Variants in LAMB4 observed in about 807,000 individuals in gnomAD.
The protein encoded by LAMB4 is laminin subunit beta 4, also known as laminin subunit beta-4.
Under a neutral mutation model 199.2 loss-of-function variants are expected in LAMB4, and 196 were observed. The observed-to-expected ratio is 0.98, with a 90% CI of 0.88 to 1.11. The LOEUF (loss-of-function observed/expected upper bound fraction) is 1.11. Among genes scored for constraint, LAMB4 ranks in the 50% least tolerant of loss-of-function variants. The probability of loss-of-function intolerance (pLI) is 0.00; values close to 1 mark genes in which losing one functional copy is unlikely to be tolerated. For synonymous variants in LAMB4, 744 were observed against 770.6 expected (o/e 0.97, Z 0.57); for missense variants, 2,080 against 2,171.2 (o/e 0.96, Z 0.83).
intron 32 of LAMB4, among the ~76,000 whole-genome samples, chr7:108,030,322 G>C (rs1301578818): frequency 6.6e-6 from 1 of 152,094 alleles, no homozygotes; most frequent in Non-Finnish European, 1.5e-5. Context: ...TGAGCTGATA[G>C]GTTCTTTCAG....
chr7:108,032,542 A>G (rs1255585130), intron 31 of LAMB4, among the ~76,000 whole-genome samples: 1 of 152,152 alleles, frequency 6.6e-6, no homozygotes, highest in East Asian at 1.9e-4. Context: ...ACCCAGGGCT[A>G]CTTCAAATGA....
chr7:108,048,880 G>C (rs1384503040), intron 27 of LAMB4, among the ~76,000 whole-genome samples: 1 of 151,466 alleles, frequency 6.6e-6, no homozygotes, highest in Non-Finnish European at 1.5e-5. Context: ...TTGTAGAGAC[G>C]GGGTTTCACC....
intron 17 of LAMB4, among the ~76,000 whole-genome samples, chr7:108,070,885 C>T (rs1265339417): frequency 6.6e-6 from 1 of 152,140 alleles, no homozygotes; most frequent in Non-Finnish European, 1.5e-5. Context: ...ATGTCGTTAC[C>T]TCCTTACTAC....
chr7:108,047,035 A>AGGAT (rs2035651083), intron 28 of LAMB4, among the ~76,000 whole-genome samples: 1 of 151,944 alleles, frequency 6.6e-6, no homozygotes, highest in African/African-American at 2.4e-5. Context: ...CCAAAGTGCT[A>AGGAT]GGATTATAGG....
At chr7:108,112,024 C>T (rs1316156648) in intron 3 of LAMB4, 78 bp from the exon 4 acceptor site, 6 of 1,223,522 alleles carry the variant, frequency 4.9e-6, no homozygotes, top group South Asian at 3.1e-5. Flanking sequence ...GCAAGCTGTA[C>T]ATACTATATT....
chr7:108,058,957 G>A (rs535551341), intron 23 of LAMB4, among the ~76,000 whole-genome samples: 96 of 152,124 alleles, frequency 6.3e-4, no homozygotes, highest in Non-Finnish European at 7.8e-4. Flanking sequence ...GATCTGCCAC[G>A]TTTCAATATC....
chr7:108,111,255 T>C (rs2038213268), intron 4 of LAMB4, among the ~76,000 whole-genome samples: 1 of 152,214 alleles, frequency 6.6e-6, no homozygotes, highest in Non-Finnish European at 1.5e-5. Flanking sequence ...ATCTGGATGG[T>C]CAGCGCCAAT....
chr7:108,054,108 G>A (rs1004676830), intron 25 of LAMB4, among the ~76,000 whole-genome samples: 5 of 152,128 alleles, frequency 3.3e-5, no homozygotes, highest in African/African-American at 1.2e-4. Flanking sequence ...CTGCAGCCTT[G>A]AACTCCTGAG....
chr7:108,125,598 C>T (rs1363858477), intron 1 of LAMB4, among the ~76,000 whole-genome samples: 1 of 152,182 alleles, frequency 6.6e-6, no homozygotes, highest in Non-Finnish European at 1.5e-5. Flanking sequence ...CTGCTTCTCT[C>T]CAGTGGAGAA....
chr7:108,063,919 T>G lies in LAMB4; in HGVS notation c.2903A>C (p.Gln968Pro). The change falls in exon 22 of 34, where the codon CAA becomes CCA. Residue 968 changes from glutamine to proline, a missense_variant. Gln to Pro is a moderately conservative substitution (Grantham distance 76). Transcript: ENST00000388781. ...TATGTTGTTGTTGCAGGCACATGGT[T>G]GGCAAGGTGCTCCTGAAATTCTTGG... ...GNPRISGAPC[Q>P]PCACNNNIDV... 6.2e-7 allele frequency: 1 copy of G among 1,614,194 alleles called. No homozygotes were observed. The highest frequency in any genetic ancestry group is 1.6e-4 in the Middle Eastern group (1 of 6,062).
Position 108,066,087 on chromosome 7 carries a change from C to T in LAMB4, c.2679-168G>A, listed in dbSNP as rs147261276. Among the ~76,000 whole-genome samples the T allele has an allele frequency of 2.8e-4, 43 of 152,260 alleles. No homozygotes were observed. The East Asian group carries it at 3.5e-3, about 12-fold the overall frequency. On this transcript the variant is annotated intron_variant, in intron 20 of 33. Transcript: ENST00000388781. ...TTGGTTTTTATATCAAAAGTCTCAA[C>T]GTATGGTCAATTAAACTCTATGTAA...
intron 3 of LAMB4, 29 bp downstream of exon 3, chr7:108,115,975 C>G (rs201325300): frequency 6.3e-7 from 1 of 1,599,916 alleles, no homozygotes; most frequent in African/African-American, 1.3e-5. Flanking sequence ...TAAATAATGT[C>G]CCAGCAAATA....
intron 14 of LAMB4, 77 bp downstream of exon 14, chr7:108,091,549 A>G: frequency 1.4e-6 from 2 of 1,479,472 alleles, no homozygotes; most frequent in Non-Finnish European, 9.1e-7. Context: ...CTTAACCACG[A>G]TCTCAAGTAT....
At chr7:108,048,313 C>T (rs1305848674) in intron 27 of LAMB4, among the ~76,000 whole-genome samples, 1 of 152,012 alleles carries the variant, frequency 6.6e-6, no homozygotes, top group African/African-American at 2.4e-5. Flanking sequence ...TACAGGCACC[C>T]ACTACCACGC....
At chr7:108,090,363 T>A (rs538869863) in intron 14 of LAMB4, among the ~76,000 whole-genome samples, 1 of 152,316 alleles carries the variant, frequency 6.6e-6, no homozygotes, top group East Asian at 1.9e-4. Context: ...CTTGAATGCT[T>A]TTTCTTTTGT....
In LAMB4 at chr7:108,053,541, G is replaced by C. The variant is rs1224233354; in HGVS notation, c.3756-1284C>G. The stretch of plus-strand genomic sequence containing the variant: ...CTTCTCTGTGAGGAAGTCAGGAAAG[G>C]CTTCAGGGAGGAGGTGATGTTTGTG... On this transcript the variant is annotated intron_variant, in intron 25 of 33. Coordinates refer to ENST00000388781, the MANE Select transcript of LAMB4 (RefSeq NM_007356.3). Among the ~76,000 whole-genome samples, 10 of 152,358 alleles carry C rather than the reference G, an allele frequency of 6.6e-5. No individual in the cohort carries two copies. The East Asian group carries it at 1.7e-3, about 26-fold the overall frequency.
chr7:108,094,376 ACTTGT>A (rs1466002531), intron 12 of LAMB4, among the ~76,000 whole-genome samples: 1 of 151,982 alleles, frequency 6.6e-6, no homozygotes, highest in East Asian at 1.9e-4. Flanking sequence ...AGATTTTTTG[ACTTGT>A]CTTCCAGAAT....
At chr7:108,054,392 C>T (rs1262596246) in intron 25 of LAMB4, among the ~76,000 whole-genome samples, 3 of 152,096 alleles carry the variant, frequency 2.0e-5, no homozygotes, top group Non-Finnish European at 4.4e-5. Context: ...TCCTTGTGCA[C>T]CTTTTAAGCA....
At chr7:108,080,344 C>T (rs1057342331) in intron 14 of LAMB4, among the ~76,000 whole-genome samples, 3 of 152,134 alleles carry the variant, frequency 2.0e-5, no homozygotes, top group African/African-American at 7.2e-5. Flanking sequence ...AGCCTGAGGC[C>T]ATCTGGACCC....
Sources: allele counts gnomAD v4.1 joint callset (sites outside exome capture counted in the v4.1 genomes callset), GRCh38; gene constraint gnomAD v4.1.1; transcripts MANE v1.5; gene names NCBI Gene and HGNC (gene_info 2026-07-23, HGNC 2026-07-21).